Variants in LAMC3 observed in about 807,000 individuals in gnomAD.
LAMC3 encodes the protein laminin subunit gamma-3.
Under a neutral mutation model 173.8 loss-of-function variants are expected in LAMC3, and 128 were observed. The observed-to-expected ratio is 0.74, with a 90% confidence interval of 0.64 to 0.85. LAMC3 has a LOEUF of 0.85. Ranked by LOEUF, LAMC3 falls within the 40% of genes least tolerant of loss-of-function variation. The pLI, the probability that LAMC3 is intolerant of heterozygous loss-of-function variation, is 0.00. For missense variants in LAMC3, 2,022 were observed against 2,156.0 expected, an observed-to-expected ratio of 0.94 and a Z score of 1.23; for synonymous variants, 897 against 909.1, an observed-to-expected ratio of 0.99 and a Z score of 0.24.
chr9:131,073,477 C>T (rs1190584783), intron 20 of LAMC3, among the ~76,000 whole-genome samples, 156 bp downstream of exon 20: 1 of 152,132 alleles, frequency 6.6e-6, no homozygotes, highest in African/African-American at 2.4e-5. Context: ...GAGGGGCAGG[C>T]AAGGTGGGTA....
At chr9:131,031,217 C>T (rs995350343) in intron 2 of LAMC3, among the ~76,000 whole-genome samples, 8 of 152,196 alleles carry the variant, frequency 5.3e-5, no homozygotes, top group East Asian at 1.9e-4. Flanking sequence ...GGCTCCTGGG[C>T]GGAATCAAAA....
chr9:131,015,353 C>CCTGCT (rs1400637430), intron 1 of LAMC3, among the ~76,000 whole-genome samples: 2 of 152,180 alleles, frequency 1.3e-5, no homozygotes, highest in Non-Finnish European at 2.9e-5. Context: ...CCTGCCCTGC[C>CCTGCT]CTGCTCTCCC....
chr9:131,023,322 C>T (rs911004982), intron 1 of LAMC3, among the ~76,000 whole-genome samples: 2 of 152,126 alleles, frequency 1.3e-5, no homozygotes, highest in Non-Finnish European at 2.9e-5. Context: ...CCTGTGATAA[C>T]CCTGTGTCTA....
intron 13 of LAMC3, among the ~76,000 whole-genome samples, chr9:131,064,048 C>T (rs1359835911): frequency 6.6e-6 from 1 of 152,128 alleles, no homozygotes; most frequent in Non-Finnish European, 1.5e-5. Flanking sequence ...GCTAGGATTA[C>T]AGGCATGCAC....
rs1281990359 is a variant in LAMC3 at position 131,066,895 on chromosome 9, A to G, written c.2348-65A>G. The G allele has an allele frequency of 3.8e-6, 6 of 1,597,128 alleles. No homozygotes were observed. The East Asian group carries it at 6.7e-5, about 18-fold the overall frequency. ...TGGAGGGACGCTTGCTCTGCTTCAC[A>G]CCCACCCTCATCCCTGGTGGGTCCA... On this transcript the variant is annotated intron_variant, in intron 13 of 27. Coordinates refer to ENST00000361069, the MANE Select transcript of LAMC3 (RefSeq NM_006059.4).
intron 9 of LAMC3, among the ~76,000 whole-genome samples, chr9:131,051,228 AC>A (rs1834281412): frequency 1.3e-5 from 2 of 151,346 alleles, no homozygotes; most frequent in African/African-American, 4.9e-5. Flanking sequence ...AAATATAAAC[AC>A]TTTTTTTCCC....
chr9:131,031,987 G>A (rs1333888727), intron 2 of LAMC3, 58 bp from the exon 3 acceptor site: 1 of 1,613,454 alleles, frequency 6.2e-7, no homozygotes, highest in Non-Finnish European at 8.5e-7. Flanking sequence ...CAGAGCGATG[G>A]GGGTAAATAC....
intron 3 of LAMC3, among the ~76,000 whole-genome samples, chr9:131,032,673 G>GCTCTCTCTCT (rs1025373572): frequency 1.4e-5 from 2 of 137,946 alleles, no homozygotes; most frequent in African/African-American, 2.7e-5. Flanking sequence ...ACTCTCTCTC[G>GCTCTCTCTCT]CTCTCTCTCT....
chr9:131,031,468 G>T (rs932289012), intron 2 of LAMC3, among the ~76,000 whole-genome samples: 41 of 152,324 alleles, frequency 2.7e-4, no homozygotes, highest in African/African-American at 8.2e-4. Context: ...GTCACCTGAG[G>T]CAGGTGACCT....
At chr9:131,020,475 A>G (rs1327220102) in intron 1 of LAMC3, among the ~76,000 whole-genome samples, 5 of 152,204 alleles carry the variant, frequency 3.3e-5, no homozygotes, top group Admixed American at 3.3e-4. Flanking sequence ...TGCCAAGTCT[A>G]AAAAAACAAA....
chr9:131,056,866 G>C (rs926527182), intron 11 of LAMC3, 63 bp from the exon 12 acceptor site: 1 of 1,308,624 alleles, frequency 7.6e-7, no homozygotes, highest in Non-Finnish European at 1.1e-6. Flanking sequence ...GGAAGGTTTT[G>C]GGGGGAAGCA....
chr9:131,019,688 A>G (rs1390984627), intron 1 of LAMC3, among the ~76,000 whole-genome samples: 2 of 152,166 alleles, frequency 1.3e-5, no homozygotes, highest in Admixed American at 6.5e-5. Flanking sequence ...GGACTTCCTC[A>G]GTGTCATGCC....
In LAMC3 at chr9:131,092,140, A is replaced by C; in HGVS notation, c.*353A>C. Reference sequence around the variant, plus strand: ...ATCCAGTCAGCAGCTTACGGTCCACACACATTACAGTCCACAGCTGTTGTG... The same window carrying C: ...ATCCAGTCAGCAGCTTACGGTCCACCCACATTACAGTCCACAGCTGTTGTG... On this transcript the variant is annotated 3_prime_UTR_variant, in exon 28 of 28. Transcript: ENST00000361069. 1 of 356,094 alleles carries C rather than the reference A, an allele frequency of 2.8e-6. No homozygotes were observed. Among genetic ancestry groups the C allele is most frequent in the Non-Finnish European group, 5.4e-6 (1 of 185,900 alleles). The allele number at this position is 356,094 out of a possible 1,614,324, so 22.1% of individuals were successfully genotyped here. A position where few individuals can be genotyped will look rare whatever the true frequency, so the allele number is the denominator to read the frequency against.
At chr9:131,034,153 T>C (rs1457571716) in intron 3 of LAMC3, among the ~76,000 whole-genome samples, 3 of 152,304 alleles carry the variant, frequency 2.0e-5, no homozygotes, top group Non-Finnish European at 2.9e-5. Context: ...AGGCTGCTCA[T>C]GGCAGGGGAC....
In LAMC3 at chr9:131,032,602, TTCTC is replaced by T. The variant is rs148698819; in HGVS notation, c.809+446_809+449del. On this transcript the variant is annotated intron_variant, in intron 3 of 27. Transcript: ENST00000361069. ...TCGCTTGCTCTCTTTCTCACTCGCTTTCTCTCTCTCTCTCTCTCTCTCACTCTCT... is the reference window on the plus strand; with the variant it reads ...TCGCTTGCTCTCTTTCTCACTCGCTTTCTCTCTCTCTCTCTCTCACTCTCT... Among the ~76,000 whole-genome samples the T allele has an allele frequency of 9.8e-4, 116 of 118,776 alleles. 1 individual carries two copies. The highest frequency in any genetic ancestry group is 3.3e-3 in the South Asian group (12 of 3,652). 77.9% of individuals were successfully genotyped at this position (118,776 alleles called of 152,430 possible).
chr9:131,039,275 G>A (rs764639155), intron 6 of LAMC3, 27 bp downstream of exon 6: 1 of 1,560,002 alleles, frequency 6.4e-7, no homozygotes, highest in South Asian at 1.1e-5. Context: ...GCCCAGTATG[G>A]ACACATTGCA....
intron 1 of LAMC3, among the ~76,000 whole-genome samples, chr9:131,020,956 GT>G (rs548202102): frequency 2.6e-5 from 4 of 151,458 alleles, no homozygotes; most frequent in Non-Finnish European, 4.4e-5. Flanking sequence ...GTTTTTTGAT[GT>G]TTTTTTTTCT....
chr9:131,044,230 G>C (rs1220741824), intron 7 of LAMC3, among the ~76,000 whole-genome samples: 1 of 151,200 alleles, frequency 6.6e-6, no homozygotes, highest in African/African-American at 2.4e-5. Flanking sequence ...TGCGTGAGCC[G>C]GCCAGGCGCG....
At chr9:131,031,376 G>A (rs1313140086) in intron 2 of LAMC3, among the ~76,000 whole-genome samples, 3 of 152,198 alleles carry the variant, frequency 2.0e-5, no homozygotes, top group Non-Finnish European at 4.4e-5. Context: ...TTTATCGAGT[G>A]CCTGCTAGGG....
Sources: gnomAD v4.1 joint callset for allele counts (sites outside exome capture counted in the v4.1 genomes callset) on GRCh38, gnomAD v4.1.1 for gene constraint, MANE v1.5 for transcripts, NCBI Gene and HGNC (gene_info 2026-07-23, HGNC 2026-07-21) for gene names.